Variants in SERPINB8 observed in about 807,000 individuals in gnomAD.
The protein encoded by SERPINB8 is serpin family B member 8, also known as serpin B8.
A neutral mutation model predicts 35.3 loss-of-function variants in SERPINB8; 25 were observed. The observed-to-expected ratio is 0.71, with a 90% CI of 0.52 to 0.99. SERPINB8 has a LOEUF of 0.99. SERPINB8 is among the 50% of genes least tolerant of loss of function. The pLI is 0.00. For missense variants in SERPINB8, 484 were observed against 446.5 expected, an observed-to-expected ratio of 1.08 and a Z score of -0.76; for synonymous variants, 186 against 160.8, an observed-to-expected ratio of 1.16 and a Z score of -1.19.
chr18:63,999,065 G>C (rs1036715046), intron 1 of SERPINB8, among the ~76,000 whole-genome samples: 10 of 152,198 alleles, frequency 6.6e-5, no homozygotes, highest in Admixed American at 6.5e-4. Context: ...GGAGTCTCCT[G>C]AACTAATAAG....
exon 8 of SERPINB8, chr18:64,018,928 C>G (rs1460140224): frequency 6.6e-6 from 1 of 152,048 alleles, no homozygotes; most frequent in Non-Finnish European, 1.5e-5. Flanking sequence ...ATTCTAACCT[C>G]CATTTATGAT....
chr18:63,986,934 A>C lies in SERPINB8; in HGVS notation c.781A>C (p.Lys261Gln). 2 of 1,613,772 alleles carry C rather than the reference A, an allele frequency of 1.2e-6. No individual in the cohort carries two copies. Among genetic ancestry groups the C allele is most frequent in the South Asian group, 1.1e-5 (1 of 90,930 alleles). The change falls in exon 7 of 7, where the codon AAA (lysine) becomes CAA (glutamine). Residue 261 changes from lysine to glutamine, a missense_variant. Physicochemically the swap from Lys to Gln is moderately conservative, Grantham distance 53. Coordinates refer to ENST00000397985, the MANE Select transcript of SERPINB8 (RefSeq NM_002640.4). Reference protein sequence around the residue: ...KAWTNSEKLTKSKVQVFLPRL... With the variant: ...KAWTNSEKLTQSKVQVFLPRL... ...CTGGACAAATTCAGAAAAGTTGACA[A>C]AAAGTAAGGTTCAAGTTTTCCTTCC...
chr18:64,000,240 C>T (rs577131152), intron 1 of SERPINB8, among the ~76,000 whole-genome samples: 39 of 152,294 alleles, frequency 2.6e-4, no homozygotes, highest in African/African-American at 8.9e-4. Flanking sequence ...CCAAGAAGTC[C>T]TTATCATCCT....
chr18:64,016,405 T>A (rs2050950321), intron 7 of SERPINB8, among the ~76,000 whole-genome samples: 1 of 152,166 alleles, frequency 6.6e-6, no homozygotes, highest in African/African-American at 2.4e-5. Flanking sequence ...CAATGCAGGG[T>A]AGATTGCAGT....
downstream of SERPINB8, among the ~76,000 whole-genome samples, chr18:64,009,239 C>A (rs1458360608): frequency 3.3e-5 from 5 of 152,078 alleles, no homozygotes; most frequent in African/African-American, 9.7e-5. Context: ...CATAGAAAGA[C>A]CTTGAGTTGA....
chr18:63,989,565 CT>C (rs1467994282), downstream of SERPINB8, among the ~76,000 whole-genome samples: 2 of 152,168 alleles, frequency 1.3e-5, no homozygotes, highest in Non-Finnish European at 2.9e-5. Flanking sequence ...CTCACCAATA[CT>C]TGGTACTACC....
downstream of SERPINB8, among the ~76,000 whole-genome samples, chr18:63,991,448 C>T (rs907073251): frequency 2.6e-5 from 4 of 152,062 alleles, no homozygotes; most frequent in Non-Finnish European, 5.9e-5. Context: ...CAGATTTATC[C>T]TTAAGTATAT....
At chr18:64,011,355 A>G (rs991042841) in intron 7 of SERPINB8, among the ~76,000 whole-genome samples, 1 of 152,150 alleles carries the variant, frequency 6.6e-6, no homozygotes, top group Non-Finnish European at 1.5e-5. Flanking sequence ...AAATGCTGTC[A>G]TTTGGTATAG....
chr18:64,001,037 C>T (rs761160696), intron 1 of SERPINB8, among the ~76,000 whole-genome samples: 22 of 152,204 alleles, frequency 1.4e-4, no homozygotes, highest in Non-Finnish European at 2.8e-4. Context: ...GTAATATTCT[C>T]CACTCTGAGA....
At chr18:64,011,004 C>T (rs1330494057) in intron 7 of SERPINB8, among the ~76,000 whole-genome samples, 1 of 151,288 alleles carries the variant, frequency 6.6e-6, no homozygotes, top group South Asian at 2.1e-4. Flanking sequence ...TGATATATTT[C>T]ACAATAAAAA....
At position 63,987,907 on chromosome 18, in the gene SERPINB8, T is replaced by C. The variant is rs994803886; in HGVS notation, c.*629T>C. Reference sequence around the variant, plus strand: ...TAGGAGGCAAATATCTGAAGCTTGCTATGCTGTTCTTTCCATTCCTTTTCC... The same window carrying C: ...TAGGAGGCAAATATCTGAAGCTTGCCATGCTGTTCTTTCCATTCCTTTTCC... On this transcript the variant is annotated 3_prime_UTR_variant, in exon 7 of 7. Coordinates refer to ENST00000397985, the MANE Select transcript of SERPINB8 (RefSeq NM_002640.4). 9.2e-5 allele frequency: 14 copies of C among 152,324 alleles called. No individual in the cohort carries two copies. The highest frequency in any genetic ancestry group is 7.2e-4 in the Admixed American group (11 of 15,290). The allele number at this position is 152,324 out of a possible 1,614,324, so 9.4% of individuals were successfully genotyped here. A position where few individuals can be genotyped will look rare whatever the true frequency, so the allele number is the denominator to read the frequency against.
chr18:63,974,102 T>C (rs961741750), intron 1 of SERPINB8, among the ~76,000 whole-genome samples: 1 of 152,376 alleles, frequency 6.6e-6, no homozygotes, highest in Non-Finnish European at 1.5e-5. Flanking sequence ...AGCCAGCTTC[T>C]CTGGAAAGTC....
downstream of SERPINB8, among the ~76,000 whole-genome samples, chr18:64,009,780 T>C (rs962432255): frequency 2.0e-5 from 3 of 152,162 alleles, no homozygotes; most frequent in African/African-American, 7.2e-5. Flanking sequence ...ATTCCGATAA[T>C]GGGACACTAG....
downstream of SERPINB8, among the ~76,000 whole-genome samples, chr18:63,990,170 G>A (rs1288736828): frequency 6.7e-6 from 1 of 149,922 alleles, no homozygotes; most frequent in Non-Finnish European, 1.5e-5. Flanking sequence ...CCGCCTCCTG[G>A]GTTCAAGCAA....
intron 6 of SERPINB8, among the ~76,000 whole-genome samples, chr18:63,986,085 G>T (rs1293742243): frequency 6.6e-6 from 1 of 152,170 alleles, no homozygotes; most frequent in Non-Finnish European, 1.5e-5. Context: ...AGTCAGGGAT[G>T]ACATCTGTTG....
chr18:63,985,552 C>T (rs2050741063), intron 6 of SERPINB8, among the ~76,000 whole-genome samples: 1 of 152,106 alleles, frequency 6.6e-6, no homozygotes, highest in South Asian at 2.1e-4. Context: ...CACAAAAGTC[C>T]TGGAAGAAGG....
At chr18:64,012,704 T>G (rs1402409783) in intron 7 of SERPINB8, among the ~76,000 whole-genome samples, 1 of 152,274 alleles carries the variant, frequency 6.6e-6, no homozygotes, top group East Asian at 1.9e-4. Flanking sequence ...ATCTTGGTTC[T>G]TGCATTGCAA....
intron 7 of SERPINB8, among the ~76,000 whole-genome samples, chr18:64,012,568 T>C (rs2050930317): frequency 2.0e-5 from 2 of 98,780 alleles, no homozygotes; most frequent in Non-Finnish European, 4.4e-5. Context: ...TATCTGTGTA[T>C]GTATGTGTGT....
chr18:64,016,624 T>G (rs1035500982), intron 7 of SERPINB8, among the ~76,000 whole-genome samples: 12 of 152,180 alleles, frequency 7.9e-5, no homozygotes, highest in Non-Finnish European at 2.9e-5. Context: ...CCTCCCTTAT[T>G]TTATGGAATC....
Sources: gnomAD v4.1 joint callset for allele counts (sites outside exome capture counted in the v4.1 genomes callset) on GRCh38, gnomAD v4.1.1 for gene constraint, MANE v1.5 for transcripts, NCBI Gene and HGNC (gene_info 2026-07-23, HGNC 2026-07-21) for gene names.